The following BAIAP2L1 variants were observed in gnomAD, a reference collection of about 807,000 sequenced individuals.
BAIAP2L1 encodes the protein BAR/IMD domain containing adaptor protein 2 like 1.
In BAIAP2L1, 35 loss-of-function variants were observed where a neutral mutation model predicts 66.3. That is an observed-to-expected ratio of 0.53 (90% CI 0.40 to 0.70). The LOEUF is 0.70. Among genes scored for constraint, BAIAP2L1 ranks in the 30% least tolerant of loss-of-function variants. The pLI is 0.00. For synonymous variants in BAIAP2L1, 269 were observed against 248.7 expected, an observed-to-expected ratio of 1.08 and a Z score of -0.77; for missense variants, 622 against 656.9, an observed-to-expected ratio of 0.95 and a Z score of 0.58.
At chr7:98,398,850 C>T (rs969009189) in intron 1 of BAIAP2L1, among the ~76,000 whole-genome samples, 2 of 152,178 alleles carry the variant, frequency 1.3e-5, no homozygotes, top group African/African-American at 4.8e-5. Context: ...GTTGCAATCG[C>T]AGCTCAGACT....
At chr7:98,388,639 A>G (rs1178873388) in intron 1 of BAIAP2L1, among the ~76,000 whole-genome samples, 2 of 152,246 alleles carry the variant, frequency 1.3e-5, no homozygotes, top group African/African-American at 4.8e-5. Context: ...AGTGTAACAT[A>G]AGCCCATGCT....
chr7:98,293,981 AC>A (rs1800076545), intron 13 of BAIAP2L1, 92 bp downstream of exon 13: 2 of 1,405,834 alleles, frequency 1.4e-6, no homozygotes, highest in Non-Finnish European at 2.0e-6. Context: ...CTCAGGCTGG[AC>A]CCCCTGGGCT....
At chr7:98,400,766 G>C in intron 1 of BAIAP2L1, 36 bp downstream of exon 1, 2 of 1,547,902 alleles carry the variant, frequency 1.3e-6, no homozygotes, top group Non-Finnish European at 1.7e-6. Context: ...GAGGTGGAAA[G>C]CCCTGACCTC....
intron 11 of BAIAP2L1, 92 bp from the exon 12 acceptor site, chr7:98,304,468 ATAGTACATCAC>A: frequency 8.0e-7 from 1 of 1,255,238 alleles, no homozygotes; most frequent in Non-Finnish European, 1.1e-6. Context: ...GACAACAGTA[ATAGTACATCAC>A]CAATCAAAAC....
intron 1 of BAIAP2L1, among the ~76,000 whole-genome samples, chr7:98,376,657 CAAAA>C (rs71112147): frequency 0.024 from 2,193 of 92,910 alleles, 64 homozygotes; most frequent in African/African-American, 0.092. Flanking sequence ...CCCATCTTTA[CAAAA>C]AAAAAAAAAA....
chr7:98,321,377 T>G (rs917521499), intron 3 of BAIAP2L1, among the ~76,000 whole-genome samples: 2 of 152,180 alleles, frequency 1.3e-5, no homozygotes, highest in Admixed American at 1.3e-4. Context: ...GTTCTTACAA[T>G]GTTTTGGAAA....
chr7:98,333,400 C>A (rs1215158214), intron 3 of BAIAP2L1, among the ~76,000 whole-genome samples: 1 of 151,952 alleles, frequency 6.6e-6, no homozygotes, highest in African/African-American at 2.4e-5. Flanking sequence ...GAGTTCAAGA[C>A]CAGCCTGGCC....
At chr7:98,301,457 TCTAG>T (rs1290193357) in intron 12 of BAIAP2L1, among the ~76,000 whole-genome samples, 2 of 146,376 alleles carry the variant, frequency 1.4e-5, no homozygotes, top group Non-Finnish European at 3.0e-5. Context: ...CTGAAAGCCT[TCTAG>T]CTTTTTTTTT....
rs200748881 is a variant in BAIAP2L1 at position 98,385,750 on chromosome 7, T to TCC, written c.51+15051_51+15052insGG. On this transcript the variant is annotated intron_variant, in intron 1 of 13. Coordinates refer to ENST00000005260, the MANE Select transcript of BAIAP2L1 (RefSeq NM_018842.5). ...TTTCTTTTTTTTGTTGTTTTTTTTT[T>TCC]CACAAATAGCACTCTTTATTTGCCA... 4.3e-6 allele frequency: 6 copies of TCC among 1,398,454 alleles called. No homozygotes were observed. The African/African-American group carries it at 8.8e-5, about 21-fold the overall frequency. The allele number at this position is 1,398,454 out of a possible 1,614,324, so 86.6% of individuals were successfully genotyped here.
chr7:98,293,478 A>T lies in BAIAP2L1; in HGVS notation c.*43T>A. On this transcript the variant is annotated 3_prime_UTR_variant, in exon 14 of 14. Coordinates refer to ENST00000005260, the MANE Select transcript of BAIAP2L1 (RefSeq NM_018842.5). Reference sequence around the variant, plus strand: ...AGACAGGATGCGCCCATCATTCCGCAAGGGAGAACCGGAGAGGCCCGGGAG... The same window carrying T: ...AGACAGGATGCGCCCATCATTCCGCTAGGGAGAACCGGAGAGGCCCGGGAG... 1 of 1,575,214 alleles carries T rather than the reference A, an allele frequency of 6.3e-7. No homozygotes were observed. Among genetic ancestry groups the T allele is most frequent in the Non-Finnish European group, 8.7e-7 (1 of 1,146,376 alleles).
intron 7 of BAIAP2L1, among the ~76,000 whole-genome samples, chr7:98,312,978 G>C (rs901846712): frequency 6.6e-6 from 1 of 152,194 alleles, no homozygotes; most frequent in Non-Finnish European, 1.5e-5. Context: ...GGTTGGGAAA[G>C]GGGAGGCAGG....
rs540180238 is a variant in BAIAP2L1, at chr7:98,292,948, C to T, written c.*573G>A. ...GCGTCTTAGCACTCTACAGCTCTGG[C>T]GTGGTTGGAGGGAGGGTGGGGGTTT... On this transcript the variant is annotated 3_prime_UTR_variant, in exon 14 of 14. Transcript: ENST00000005260. 1.3e-5 allele frequency: 16 copies of T among 1,245,862 alleles called. No individual in the cohort carries two copies. The East Asian group carries it at 2.0e-4, about 16-fold the overall frequency. 77.2% of individuals were successfully genotyped at this position (1,245,862 alleles called of 1,614,324 possible).
intron 12 of BAIAP2L1, among the ~76,000 whole-genome samples, chr7:98,298,187 C>T (rs1800268841): frequency 6.6e-6 from 1 of 152,240 alleles, no homozygotes. Flanking sequence ...TAAGACGCGC[C>T]GTCACAGGAC....
At chr7:98,301,326 G>A (rs1318158587) in intron 12 of BAIAP2L1, among the ~76,000 whole-genome samples, 1 of 152,170 alleles carries the variant, frequency 6.6e-6, no homozygotes, top group Admixed American at 6.5e-5. Context: ...TCAAACACGT[G>A]CAGAATCAAT....
Position 98,401,076 on chromosome 7 carries a change from C to G in BAIAP2L1, c.-224G>C, listed in dbSNP as rs1803361545. ...CTTCGAGGAGCAGAGGAGAAGCGGC[C>G]GGACGCCGCCAGAGGAAGCTGGGCG... On this transcript the variant is annotated 5_prime_UTR_variant, in exon 1 of 14. Transcript: ENST00000005260. 3 of 368,096 alleles carry G rather than the reference C, an allele frequency of 8.2e-6. No individual in the cohort carries two copies. The highest frequency in any genetic ancestry group is 1.4e-5 in the Non-Finnish European group (3 of 210,818). The allele number at this position is 368,096 out of a possible 1,614,324, so 22.8% of individuals were successfully genotyped here. A position where few individuals can be genotyped will look rare whatever the true frequency, so the allele number is the denominator to read the frequency against.
chr7:98,344,236 G>GCTCACCCCT (rs1035127782), intron 3 of BAIAP2L1, among the ~76,000 whole-genome samples: 2 of 152,096 alleles, frequency 1.3e-5, no homozygotes, highest in Non-Finnish European at 2.9e-5. Flanking sequence ...GCTGTAGTTT[G>GCTCACCCCT]CTCACCCCTG....
chr7:98,300,598 A>G (rs1340927835), intron 12 of BAIAP2L1, among the ~76,000 whole-genome samples: 1 of 152,128 alleles, frequency 6.6e-6, no homozygotes, highest in African/African-American at 2.4e-5. Context: ...AGCGGCTGCC[A>G]TTCTTCTGTG....
rs550062204 is a variant in BAIAP2L1, at chr7:98,383,583, G to A, written c.51+17219C>T. Among the ~76,000 whole-genome samples, 31 of 152,054 alleles carry A rather than the reference G, an allele frequency of 2.0e-4. No individual in the cohort carries two copies. The South Asian group carries it at 4.4e-3, about 21-fold the overall frequency. On this transcript the variant is annotated intron_variant, in intron 1 of 13. Coordinates refer to ENST00000005260, the MANE Select transcript of BAIAP2L1 (RefSeq NM_018842.5). The stretch of plus-strand genomic sequence containing the variant: ...ATTACAGGCGTGAGCCACTGCGCCC[G>A]GCCATAACTTTCAGTCTTAAAAGTA...
Position 98,307,539 on chromosome 7 carries a change from G to A in BAIAP2L1, c.1163+150C>T, listed in dbSNP as rs554719147. On this transcript the variant is annotated intron_variant, in intron 10 of 13. Transcript: ENST00000005260. ...GACATACAGAAAATAGCCTGGGATC[G>A]AATAACTTCAGTTAACTAAACTAGA... is the stretch of plus-strand genomic sequence containing the variant. 75 of 1,458,296 alleles carry A rather than the reference G, an allele frequency of 5.1e-5. No individual in the cohort carries two copies. In the South Asian group the frequency reaches 8.3e-4, roughly 16 times the overall value. 90.3% of individuals were successfully genotyped at this position (1,458,296 alleles called of 1,614,324 possible).
Sources: gnomAD v4.1 joint callset for allele counts (sites outside exome capture counted in the v4.1 genomes callset) on GRCh38, gnomAD v4.1.1 for gene constraint, MANE v1.5 for transcripts, NCBI Gene and HGNC (gene_info 2026-07-23, HGNC 2026-07-21) for gene names.